The following MAP3K7CL variants were observed in gnomAD, a reference collection of about 807,000 sequenced individuals.
MAP3K7CL encodes MAP3K7 C-terminal-like protein.
Under a neutral mutation model 18.6 loss-of-function variants are expected in MAP3K7CL, and 16 were observed. The observed-to-expected ratio is 0.86, with a 90% CI of 0.58 to 1.31. MAP3K7CL has a LOEUF of 1.31. Ranked by LOEUF, MAP3K7CL falls within the 50% of genes most tolerant of loss-of-function variation. MAP3K7CL has a pLI of 0.00. For synonymous variants in MAP3K7CL, 65 were observed against 66.8 expected (o/e 0.97, Z 0.13); for missense variants, 163 against 174.4 (o/e 0.93, Z 0.37).
At chr21:29,078,900 C>G (rs1044105942) in intron 1 of MAP3K7CL, among the ~76,000 whole-genome samples, 23 of 152,152 alleles carry the variant, frequency 1.5e-4, no homozygotes. Context: ...ACTGATTCGA[C>G]TGGTAAAGAT....
At chr21:29,118,164 C>T (rs2086533198) in intron 4 of MAP3K7CL, among the ~76,000 whole-genome samples, 1 of 37,138 alleles carries the variant, frequency 2.7e-5, no homozygotes, top group African/African-American at 1.0e-4. Context: ...CAGATCACTG[C>T]AACCTCCACC....
intron 3 of MAP3K7CL, among the ~76,000 whole-genome samples, chr21:29,150,167 C>T (rs74999513): frequency 0.011 from 1,671 of 152,320 alleles, 35 homozygotes; most frequent in African/African-American, 0.038. Context: ...TGTGTCCTAA[C>T]GTCATTTGAG....
At chr21:29,139,894 G>C (rs534107285) in intron 2 of MAP3K7CL, among the ~76,000 whole-genome samples, 47 of 129,484 alleles carry the variant, frequency 3.6e-4, no homozygotes, top group Admixed American at 3.4e-3. Flanking sequence ...CCCATCTCTG[G>C]CTTTTTTTTT....
chr21:29,092,736 A>C, intron 4 of MAP3K7CL, among the ~76,000 whole-genome samples: 2 of 152,226 alleles, frequency 1.3e-5, no homozygotes, highest in Middle Eastern at 6.8e-3. Context: ...GTGTTCTTCT[A>C]TCTCCTTCAG....
rs577324427 is a variant in MAP3K7CL, at chr21:29,163,042, C to T, written c.248+2986C>T. 4.9e-4 allele frequency among the ~76,000 whole-genome samples: 75 copies of T among 152,150 alleles called. No homozygotes were observed. The South Asian group carries it at 0.011, about 22-fold the overall frequency. On this transcript the variant is annotated intron_variant, in intron 4 of 4. Transcript: ENST00000399928. ...ATGAGAATTGCTTGAACCCAGTAGG[C>T]GGAGGTTGCAGTGAGCCAAGATCAC...
Position 29,175,816 on chromosome 21 carries a change from A to G in MAP3K7CL, c.*924A>G, listed in dbSNP as rs2123276962. On this transcript the variant is annotated 3_prime_UTR_variant, in exon 5 of 5. Transcript: ENST00000399928. ...TTCTACCTATCACCACATTTTCTCA[A>G]ATTGAACTCTTTGTTATATGTCCAT... is the stretch of plus-strand genomic sequence containing the variant. 1 of 152,280 alleles carries G rather than the reference A, an allele frequency of 6.6e-6. No homozygotes were observed. Among genetic ancestry groups the G allele is most frequent in the South Asian group, 2.1e-4 (1 of 4,816 alleles). The allele number at this position is 152,280 out of a possible 1,614,324, so 9.4% of individuals were successfully genotyped here. A position where few individuals can be genotyped will look rare whatever the true frequency, so the allele number is the denominator to read the frequency against.
intron 4 of MAP3K7CL, chr21:29,102,382 G>C (rs76598132): frequency 6.6e-6 from 1 of 151,136 alleles, no homozygotes; most frequent in Non-Finnish European, 1.5e-5. Context: ...GTGGAAACAA[G>C]CCTCAGAAAT....
chr21:29,159,949 G>A lies in MAP3K7CL; in HGVS notation c.141G>A (p.Pro47=), dbSNP rs778491772. The A allele has an allele frequency of 7.4e-6, 12 of 1,613,214 alleles. No homozygotes were observed. The highest frequency in any genetic ancestry group is 4.5e-5 in the East Asian group (2 of 44,832). ...PELDQQLQPL[P]PCHDSEESME... ...TCTTGTTGTTTGTGAAGCCCCTGCCGCCTTGTCATGACTCCGAGGAATCCA... is the reference window on the plus strand; with the variant it reads ...TCTTGTTGTTTGTGAAGCCCCTGCCACCTTGTCATGACTCCGAGGAATCCA... Residue 47 remains proline, a synonymous_variant, in exon 4 of 5, where the codon CCG becomes CCA. Transcript: ENST00000399928.
chr21:29,093,595 C>A (rs1171488003), intron 4 of MAP3K7CL, among the ~76,000 whole-genome samples: 2 of 152,104 alleles, frequency 1.3e-5, no homozygotes, highest in Non-Finnish European at 2.9e-5. Flanking sequence ...CATTCCCCTG[C>A]CTCAGCCTCC....
chr21:29,155,340 T>C (rs899277566), intron 3 of MAP3K7CL, among the ~76,000 whole-genome samples: 10 of 152,128 alleles, frequency 6.6e-5, no homozygotes, highest in Non-Finnish European at 1.0e-4. Flanking sequence ...ATATCTCCTG[T>C]GTGGGAAGCT....
chr21:29,099,956 G>A (rs1386684327), intron 4 of MAP3K7CL, among the ~76,000 whole-genome samples: 3 of 151,886 alleles, frequency 2.0e-5, no homozygotes, highest in Non-Finnish European at 2.9e-5. Context: ...GGTGGCGGGC[G>A]CCTGTAGTCC....
chr21:29,129,498 A>T (rs956588496), upstream of MAP3K7CL, among the ~76,000 whole-genome samples: 1 of 152,182 alleles, frequency 6.6e-6, no homozygotes, highest in Non-Finnish European at 1.5e-5. Context: ...ATACTTCCAT[A>T]TCTTTTTGTG....
upstream of MAP3K7CL, among the ~76,000 whole-genome samples, chr21:29,084,149 A>G (rs2085885968): frequency 6.6e-6 from 1 of 151,000 alleles, no homozygotes; most frequent in Admixed American, 6.6e-5. Context: ...GGGATTAGCA[A>G]TTTCACTTTA....
intron 1 of MAP3K7CL, among the ~76,000 whole-genome samples, chr21:29,090,014 T>G (rs917523828): frequency 1.2e-4 from 18 of 152,220 alleles, no homozygotes; most frequent in Admixed American, 1.2e-3. Context: ...ATTTTGATAC[T>G]ATTCGACCCA....
intron 4 of MAP3K7CL, among the ~76,000 whole-genome samples, chr21:29,123,662 G>T (rs1255562843): frequency 6.6e-6 from 1 of 152,160 alleles, no homozygotes; most frequent in African/African-American, 2.4e-5. Context: ...AAAATTAATG[G>T]AGAAAACAAT....
At chr21:29,138,554 C>G (rs1458159182) in intron 2 of MAP3K7CL, among the ~76,000 whole-genome samples, 1 of 152,190 alleles carries the variant, frequency 6.6e-6, no homozygotes, top group African/African-American at 2.4e-5. Context: ...TGGCATGCTC[C>G]TTGTAAATTT....
chr21:29,086,117 G>C (rs2085921619), intron 1 of MAP3K7CL, among the ~76,000 whole-genome samples: 2 of 152,182 alleles, frequency 1.3e-5, no homozygotes, highest in South Asian at 4.1e-4. Context: ...TGGGACACCG[G>C]TTCTTTCCCT....
upstream of MAP3K7CL, among the ~76,000 whole-genome samples, chr21:29,083,455 G>A (rs145910074): frequency 1.6e-3 from 240 of 152,276 alleles, 2 homozygotes; most frequent in Non-Finnish European, 2.6e-3. Flanking sequence ...AACTATCATA[G>A]ACTGTTATCT....
At chr21:29,164,316 GTAGT>G (rs1431835020) in intron 4 of MAP3K7CL, among the ~76,000 whole-genome samples, 5 of 152,218 alleles carry the variant, frequency 3.3e-5, no homozygotes, top group African/African-American at 4.8e-5. Context: ...TTTGACCCAA[GTAGT>G]TAGCTCTCCA....
Sources: allele counts gnomAD v4.1 joint callset (sites outside exome capture counted in the v4.1 genomes callset), GRCh38; gene constraint gnomAD v4.1.1; transcripts MANE v1.5; gene names NCBI Gene and HGNC (gene_info 2026-07-23, HGNC 2026-07-21).